The following CTDSP2 variants were observed in gnomAD, a reference collection of about 807,000 sequenced individuals.
The protein encoded by CTDSP2 is CTD small phosphatase 2, also known as carboxy-terminal domain RNA polymerase II polypeptide A small phosphatase 2.
CTDSP2 carries 9 observed loss-of-function variants against 31.6 expected under a neutral mutation model. The ratio of observed to expected loss-of-function variants is 0.28; its 90% CI spans 0.17 to 0.50. The LOEUF (loss-of-function observed/expected upper bound fraction) is 0.50. Among genes scored for constraint, CTDSP2 ranks in the 20% least tolerant of loss-of-function variants. The pLI is 0.98. For missense variants in CTDSP2, 267 were observed against 348.5 expected (o/e 0.77, Z 1.86); for synonymous variants, 134 against 134.5 (o/e 1.00, Z 0.03).
intron 1 of CTDSP2, among the ~76,000 whole-genome samples, chr12:57,833,748 A>G (rs1194897232): frequency 1.3e-5 from 2 of 152,238 alleles, no homozygotes; most frequent in African/African-American, 4.8e-5. Flanking sequence ...GCAACAGCCC[A>G]GAAGAGTTAG....
intron 3 of CTDSP2, 181 bp from the exon 4 acceptor site, chr12:57,827,278 G>T: frequency 1.6e-6 from 1 of 631,216 alleles, no homozygotes; most frequent in Non-Finnish European, 2.8e-6. Flanking sequence ...CCTCCCAGTG[G>T]GACTATTAAG....
chr12:57,846,209 C>T (rs1956314935), intron 1 of CTDSP2, among the ~76,000 whole-genome samples, 163 bp downstream of exon 1: 1 of 152,192 alleles, frequency 6.6e-6, no homozygotes, highest in African/African-American at 2.4e-5. Flanking sequence ...CCACGGAGGT[C>T]TGAGTGCCAG....
intron 1 of CTDSP2, among the ~76,000 whole-genome samples, chr12:57,838,165 G>T (rs929772844): frequency 2.3e-4 from 35 of 152,192 alleles, no homozygotes; most frequent in African/African-American, 8.0e-4. Context: ...ACCAGAGACA[G>T]AGGAGGCGTT....
intron 1 of CTDSP2, among the ~76,000 whole-genome samples, chr12:57,845,690 G>A (rs1389812115): frequency 2.0e-5 from 3 of 152,200 alleles, no homozygotes; most frequent in Non-Finnish European, 4.4e-5. Context: ...GGGCCTCAGG[G>A]TCGGGCTTGT....
At position 57,829,587 on chromosome 12, in the gene CTDSP2, G is replaced by A; in HGVS notation, c.74C>T (p.Ser25Phe). Residue 25 changes from serine (S) to phenylalanine (F), a missense_variant, in exon 2 of 8, where the codon TCC (serine) becomes TTC (phenylalanine). Transcript: ENST00000398073. ...ALVLTKQGLV[S>F]KSSPKKPRGR... ...ACGAGGCTTCTTAGGAGAGGACTTG[G>A]AGACCAGGCCTAGGGTGGAGAGAAT... The A allele has an allele frequency of 1.2e-6, 2 of 1,614,152 alleles. No individual in the cohort carries two copies. Among genetic ancestry groups the A allele is most frequent in the Non-Finnish European group, 1.7e-6 (2 of 1,180,004 alleles).
At chr12:57,833,385 A>G (rs1437718300) in intron 1 of CTDSP2, among the ~76,000 whole-genome samples, 1 of 152,182 alleles carries the variant, frequency 6.6e-6, no homozygotes, top group Non-Finnish European at 1.5e-5. Context: ...TGGGGGCAGG[A>G]GCTTGAAGCA....
intron 1 of CTDSP2, chr12:57,842,593 C>A (rs953710168): frequency 2.6e-5 from 4 of 152,212 alleles, no homozygotes; most frequent in African/African-American, 9.7e-5. Context: ...GGGACAGGAG[C>A]AAACACAAGC....
At chr12:57,829,201 G>C (rs930629978) in intron 2 of CTDSP2, among the ~76,000 whole-genome samples, 1 of 152,192 alleles carries the variant, frequency 6.6e-6, no homozygotes, top group African/African-American at 2.4e-5. Flanking sequence ...CTAGTTCCTG[G>C]AACCTGGAAG....
At chr12:57,842,396 G>A (rs553360507) in intron 1 of CTDSP2, 31 of 152,258 alleles carry the variant, frequency 2.0e-4, no homozygotes, top group African/African-American at 7.0e-4. Flanking sequence ...GTTTCTTTAA[G>A]ACCTCTACGG....
At position 57,823,652 on chromosome 12, in the gene CTDSP2, T is replaced by A. The variant is rs765514458; in HGVS notation, c.766A>T (p.Ser256Cys). The change falls in exon 8 of 8, where the codon AGC (serine) becomes TGC (cysteine). Residue 256 changes from serine to cysteine, a missense_variant. Physicochemically the swap from Ser to Cys is moderately radical, Grantham distance 112 (BLOSUM62 -1). Coordinates refer to ENST00000398073, the MANE Select transcript of CTDSP2 (RefSeq NM_005730.4). ...CTGGTGTAGACGTCCTCTGCTCCGCTCAGCTCCTCAAAGATTGGGATCAGG... is the reference window on the plus strand; with the variant it reads ...CTGGTGTAGACGTCCTCTGCTCCGCACAGCTCCTCAAAGATTGGGATCAGG... ...LNLIPIFEEL[S>C]GAEDVYTSLG... 6 of 1,613,988 alleles carry A rather than the reference T, an allele frequency of 3.7e-6. No homozygotes were observed. The highest frequency in any genetic ancestry group is 5.1e-6 in the Non-Finnish European group (6 of 1,180,012).
chr12:57,823,866 C>G (rs1956165015), intron 7 of CTDSP2, 38 bp downstream of exon 7: 3 of 1,611,810 alleles, frequency 1.9e-6, no homozygotes, highest in East Asian at 4.5e-5. Context: ...TGCTTCCTCT[C>G]CCAATCCCTA....
At chr12:57,840,269 G>C (rs182524943) in intron 1 of CTDSP2, among the ~76,000 whole-genome samples, 1 of 152,212 alleles carries the variant, frequency 6.6e-6, no homozygotes, top group African/African-American at 2.4e-5. Flanking sequence ...TCTGATGTGT[G>C]TCCCTGGCTG....
rs1325906371 is a variant in CTDSP2, at chr12:57,822,132, C to T, written c.*1470G>A. The T allele has an allele frequency of 2.0e-5, 3 of 152,360 alleles. No homozygotes were observed. Among genetic ancestry groups the T allele is most frequent in the East Asian group, 1.9e-4 (1 of 5,166 alleles). 9.4% of individuals were successfully genotyped at this position (152,360 alleles called of 1,614,324 possible). ...AGGAGGGAGGGAGGGAGGAGAGAAC[C>T]CCACCCACCCCAGGGAGGCCACGAT... On this transcript the variant is annotated 3_prime_UTR_variant, in exon 8 of 8. Transcript: ENST00000398073.
rs78691025 is a variant in CTDSP2 at position 57,827,026 on chromosome 12, G to A, written c.324C>T (p.Leu108=). 15 of 1,613,456 alleles carry A rather than the reference G, an allele frequency of 9.3e-6. No homozygotes were observed. In the Admixed American group the frequency reaches 1.0e-4, roughly 11 times the overall value. Residue 108 remains leucine, a synonymous_variant, in exon 4 of 8, where the codon CTC becomes CTT. Transcript: ENST00000398073. The part of the protein sequence containing the change: ...DQGRICVVID[L]DETLVHSSFK... ...AGGAGCTATGCACAAGGGTTTCATC[G>A]AGGTCAATGACCACACAGATCCTTC...
At chr12:57,835,203 C>T (rs1956240152) in intron 1 of CTDSP2, among the ~76,000 whole-genome samples, 1 of 151,834 alleles carries the variant, frequency 6.6e-6, no homozygotes, top group South Asian at 2.1e-4. Flanking sequence ...TGGTGCATGC[C>T]TATAATCCCT....
At position 57,846,729 on chromosome 12, in the gene CTDSP2, G is replaced by A. The variant is rs978070214; in HGVS notation, c.-294C>T. 3 of 312,128 alleles carry A rather than the reference G, an allele frequency of 9.6e-6. No individual in the cohort carries two copies. Among genetic ancestry groups the A allele is most frequent in the Non-Finnish European group, 1.7e-5 (3 of 172,016 alleles). The allele number at this position is 312,128 out of a possible 1,614,324, so 19.3% of individuals were successfully genotyped here. A position where few individuals can be genotyped will look rare whatever the true frequency, so the allele number is the denominator to read the frequency against. ...TGGAGAATCCGGAGCGAAAACAAGA[G>A]GAGGAAATGGGACACGGGGCGGTTT... On this transcript the variant is annotated 5_prime_UTR_variant, in exon 1 of 8. Coordinates refer to ENST00000398073, the MANE Select transcript of CTDSP2 (RefSeq NM_005730.4).
intron 1 of CTDSP2, among the ~76,000 whole-genome samples, chr12:57,844,889 C>T (rs1956304674): frequency 6.6e-6 from 1 of 151,908 alleles, no homozygotes; most frequent in African/African-American, 2.4e-5. Flanking sequence ...GAGGAACACA[C>T]TGCCTCCCTC....
rs759036523 is a variant in CTDSP2 at position 57,846,352 on chromosome 12, T to A, written c.64+20A>T. 1 of 1,600,128 alleles carries A rather than the reference T, an allele frequency of 6.2e-7. No homozygotes were observed. Among genetic ancestry groups the A allele is most frequent in the African/African-American group, 1.3e-5 (1 of 74,350 alleles). On this transcript the variant is annotated intron_variant, in intron 1 of 7. Transcript: ENST00000398073. ...CGCGCCCGGGGGCGACGCAAAGTTT[T>A]GGGAAGTTGCTGCCCCTACCTTGCT...
chr12:57,842,037 A>AC (rs1956285526), intron 1 of CTDSP2, among the ~76,000 whole-genome samples: 1 of 152,124 alleles, frequency 6.6e-6, no homozygotes, highest in Non-Finnish European at 1.5e-5. Flanking sequence ...ACCATCCCTG[A>AC]CCCTGGTCCC....
Sources: gnomAD v4.1 joint callset for allele counts (sites outside exome capture counted in the v4.1 genomes callset) on GRCh38, gnomAD v4.1.1 for gene constraint, MANE v1.5 for transcripts, NCBI Gene and HGNC (gene_info 2026-07-23, HGNC 2026-07-21) for gene names.